Variants in ZCWPW2 observed in about 807,000 individuals in gnomAD.
ZCWPW2 encodes zinc finger CW-type PWWP domain protein 2.
In ZCWPW2, 45 loss-of-function variants were observed where a neutral mutation model predicts 46.6. The ratio of observed to expected loss-of-function variants is 0.96; its 90% CI spans 0.76 to 1.24. ZCWPW2 has a LOEUF of 1.24. Ranked by LOEUF, ZCWPW2 falls within the 50% of genes most tolerant of loss-of-function variation. The pLI is 0.00. For synonymous variants in ZCWPW2, 152 were observed against 137.1 expected (o/e 1.11, Z -0.76); for missense variants, 429 against 403.9 (o/e 1.06, Z -0.53).
In ZCWPW2 at chr3:28,413,197, G is replaced by A. The variant is rs1234204241; in HGVS notation, c.129G>A (p.Leu43=). 2 of 1,613,366 alleles carry A rather than the reference G, an allele frequency of 1.2e-6. No individual in the cohort carries two copies. The highest frequency in any genetic ancestry group is 1.7e-6 in the Non-Finnish European group (2 of 1,179,544). The part of the protein sequence containing the change: ...CENENCLKWR[L]LSSEDSAKVD... ...ATGAAAATTGTTTGAAATGGAGATT[G>A]TTATCAAGTGAGGATTCAGCCAAGG... Residue 43 remains leucine (L), a synonymous_variant, in exon 3 of 10, where the codon TTG becomes TTA. Coordinates refer to ENST00000383768, the MANE Select transcript of ZCWPW2 (RefSeq NM_001040432.4).
intron 1 of ZCWPW2, among the ~76,000 whole-genome samples, chr3:28,382,560 T>C (rs953159954): frequency 6.6e-5 from 10 of 152,220 alleles, no homozygotes; most frequent in African/African-American, 2.4e-4. Flanking sequence ...CTGATAATAG[T>C]GGTTTTCTTG....
intron 2 of ZCWPW2, among the ~76,000 whole-genome samples, chr3:28,406,363 G>T (rs1042439609): frequency 6.6e-6 from 1 of 152,142 alleles, no homozygotes; most frequent in Non-Finnish European, 1.5e-5. Flanking sequence ...CCCTGCAGAC[G>T]ATTCAGAAAT....
intron 8 of ZCWPW2, 98 bp from the exon 9 acceptor site, chr3:28,520,894 C>T (rs1298502305): frequency 1.4e-6 from 2 of 1,391,118 alleles, no homozygotes; most frequent in South Asian, 2.5e-5. Context: ...TACCTTGTAG[C>T]ATTTAAAAGA....
At chr3:28,460,288 C>T (rs865855138) in intron 4 of ZCWPW2, among the ~76,000 whole-genome samples, 18 of 147,028 alleles carry the variant, frequency 1.2e-4, no homozygotes, top group South Asian at 4.3e-4. Context: ...ATAGTTTACA[C>T]TTTCCAGTGG....
At chr3:28,474,614 TGTGTGTGCGCGC>T (rs1699160792) in intron 4 of ZCWPW2, among the ~76,000 whole-genome samples, 2 of 149,342 alleles carry the variant, frequency 1.3e-5, no homozygotes, top group East Asian at 2.0e-4. Context: ...TGTGTGTGTG[TGTGTGTGCGCGC>T]GCGCGCGCGC....
At chr3:28,505,687 CA>C (rs1283113126) in intron 6 of ZCWPW2, among the ~76,000 whole-genome samples, 18 of 152,022 alleles carry the variant, frequency 1.2e-4, no homozygotes, top group African/African-American at 4.3e-4. Flanking sequence ...TGACTTTTAA[CA>C]AGGAGTTTGT....
intron 6 of ZCWPW2, among the ~76,000 whole-genome samples, chr3:28,496,642 A>C (rs774800502): frequency 4.9e-4 from 75 of 152,088 alleles, no homozygotes; most frequent in Non-Finnish European, 9.0e-4. Context: ...ATAGATATTG[A>C]ACATAATATT....
rs533676911 is a variant in ZCWPW2 at position 28,515,767 on chromosome 3, G to A, written c.784+146G>A. ...TGTGTATACACATATATACATGTGC[G>A]TACATATGTATACATTTTTACACAT... On this transcript the variant is annotated intron_variant, in intron 8 of 9. Transcript: ENST00000383768. The A allele has an allele frequency of 1.2e-3, 704 of 575,168 alleles. 7 individuals carry two copies. The highest frequency in any genetic ancestry group is 0.011 in the African/African-American group (512 of 44,742). The allele number at this position is 575,168 out of a possible 1,614,324, so 35.6% of individuals were successfully genotyped here. A position where few individuals can be genotyped will look rare whatever the true frequency, so the allele number is the denominator to read the frequency against.
chr3:28,420,713 T>G (rs1696739663), intron 3 of ZCWPW2, among the ~76,000 whole-genome samples: 1 of 152,096 alleles, frequency 6.6e-6, no homozygotes. Context: ...GGGGTATTAT[T>G]TATTTTTACC....
chr3:28,423,868 G>T (rs897049531), intron 3 of ZCWPW2, among the ~76,000 whole-genome samples: 4 of 151,898 alleles, frequency 2.6e-5, no homozygotes, highest in Non-Finnish European at 2.9e-5. Context: ...CTCTCAAATA[G>T]ATGCTAATAT....
At position 28,359,171 on chromosome 3, in the gene ZCWPW2, A is replaced by G. The variant is rs188332129; in HGVS notation, c.-134+9968A>G. 4.4e-3 allele frequency among the ~76,000 whole-genome samples: 676 copies of G among 152,266 alleles called. 4 individuals carry two copies. Among genetic ancestry groups the G allele is most frequent in the Non-Finnish European group, 5.2e-3 (354 of 67,950 alleles). ...GTATTGGATGAAAGTGGAAATGGTC[A>G]GATCTGCCACCCAAATTGTTGTGTA... On this transcript the variant is annotated intron_variant, in intron 1 of 9. Transcript: ENST00000383768.
chr3:28,352,644 A>C (rs1439598980), intron 1 of ZCWPW2, among the ~76,000 whole-genome samples: 1 of 152,248 alleles, frequency 6.6e-6, no homozygotes, highest in African/African-American at 2.4e-5. Flanking sequence ...TTTTTGAAGC[A>C]TACCCATGTG....
chr3:28,494,989 A>C (rs897950768), intron 6 of ZCWPW2, among the ~76,000 whole-genome samples: 4 of 151,968 alleles, frequency 2.6e-5, no homozygotes, highest in Non-Finnish European at 4.4e-5. Flanking sequence ...ATATTGTGAA[A>C]ATGGCCATAC....
chr3:28,452,213 TAC>T (rs1698251948), intron 4 of ZCWPW2, among the ~76,000 whole-genome samples: 1 of 152,204 alleles, frequency 6.6e-6, no homozygotes, highest in African/African-American at 2.4e-5. Context: ...ATAGCTCTGC[TAC>T]TTACTAGTGC....
At chr3:28,522,174 T>C (rs966974565) in intron 9 of ZCWPW2, among the ~76,000 whole-genome samples, 16 of 152,074 alleles carry the variant, frequency 1.1e-4, no homozygotes, top group African/African-American at 3.6e-4. Flanking sequence ...AATGACAAGT[T>C]AATGGGTGCA....
At chr3:28,440,782 T>C (rs989833859) in intron 4 of ZCWPW2, among the ~76,000 whole-genome samples, 2 of 152,162 alleles carry the variant, frequency 1.3e-5, no homozygotes, top group Non-Finnish European at 2.9e-5. Flanking sequence ...AGTCGATGGA[T>C]GATAGTCTTG....
At chr3:28,417,411 T>A (rs1467787986) in intron 3 of ZCWPW2, among the ~76,000 whole-genome samples, 4 of 152,068 alleles carry the variant, frequency 2.6e-5, no homozygotes, top group African/African-American at 7.2e-5. Context: ...ACCAGATGGA[T>A]TCACAGCAGA....
At chr3:28,383,399 C>A (rs531038117) in intron 1 of ZCWPW2, among the ~76,000 whole-genome samples, 1 of 152,050 alleles carries the variant, frequency 6.6e-6, no homozygotes, top group Non-Finnish European at 1.5e-5. Flanking sequence ...GTGGGCTTAT[C>A]ATGGATATAA....
chr3:28,474,991 GC>G (rs1699186531), intron 4 of ZCWPW2, among the ~76,000 whole-genome samples: 2 of 150,480 alleles, frequency 1.3e-5, no homozygotes, highest in South Asian at 4.2e-4. Flanking sequence ...ACCACGCCCG[GC>G]TAACTTTTTA....
Sources: allele counts gnomAD v4.1 joint callset (sites outside exome capture counted in the v4.1 genomes callset), GRCh38; gene constraint gnomAD v4.1.1; transcripts MANE v1.5; gene names NCBI Gene and HGNC (gene_info 2026-07-23, HGNC 2026-07-21).